The following BRD10 variants were observed in gnomAD, a reference collection of about 807,000 sequenced individuals.
BRD10 encodes the protein uncharacterized bromodomain-containing protein 10.
the BRD10 span, among the ~76,000 whole-genome samples, chr9:5,952,420 T>C: frequency 3.3e-5 from 5 of 152,182 alleles, no homozygotes; most frequent in African/African-American, 7.2e-5. Context: ...ACACATACAA[T>C]TGAAACCAAA....
At chr9:5,880,854 G>A in the BRD10 span, among the ~76,000 whole-genome samples, 3 of 151,918 alleles carry the variant, frequency 2.0e-5, no homozygotes, top group African/African-American at 7.3e-5. Context: ...ACAGGCGTGC[G>A]CCACCACGCC....
At chr9:5,953,957 A>C in the BRD10 span, 1 of 901,428 alleles carries the variant, frequency 1.1e-6, no homozygotes, top group Non-Finnish European at 1.8e-6. Context: ...CTCTCGAGGA[A>C]TGATATGAAC....
At chr9:5,897,674 T>C in the BRD10 span, 1 of 1,592,716 alleles carries the variant, frequency 6.3e-7, no homozygotes. Context: ...TTCCCACTGC[T>C]GAAATCCCTC....
the BRD10 span, chr9:5,969,561 T>G: frequency 5.7e-6 from 4 of 698,216 alleles, no homozygotes; most frequent in Non-Finnish European, 9.1e-6. Flanking sequence ...TTTATTTATT[T>G]GAGACAGAGT....
chr9:5,982,206 T>C, the BRD10 span, among the ~76,000 whole-genome samples: 5 of 152,112 alleles, frequency 3.3e-5, no homozygotes, highest in African/African-American at 4.8e-5. Context: ...GATGAAGTAA[T>C]TGAACCAAAC....
the BRD10 span, among the ~76,000 whole-genome samples, chr9:5,917,856 AAAAG>A: frequency 6.6e-6 from 1 of 152,240 alleles, no homozygotes; most frequent in African/African-American, 2.4e-5. Context: ...CGTCTCAAAA[AAAAG>A]AGAGAGATTT....
the BRD10 span, among the ~76,000 whole-genome samples, chr9:5,946,152 G>A: frequency 1.3e-5 from 2 of 152,050 alleles, no homozygotes; most frequent in Non-Finnish European, 2.9e-5. Context: ...ATATGAAATT[G>A]CTGATATGCT....
the BRD10 span, among the ~76,000 whole-genome samples, chr9:5,907,723 T>C: frequency 1.3e-5 from 2 of 152,178 alleles, no homozygotes; most frequent in Non-Finnish European, 2.9e-5. Flanking sequence ...GAGGCCGAGG[T>C]GGGTGGATCA....
the BRD10 span, among the ~76,000 whole-genome samples, chr9:5,904,963 T>C: frequency 2.6e-5 from 4 of 151,922 alleles, no homozygotes; most frequent in Non-Finnish European, 5.9e-5. Context: ...ATAGTAGAGA[T>C]GTCATTTCAC....
chr9:5,974,368 C>A, the BRD10 span, among the ~76,000 whole-genome samples: 3 of 152,012 alleles, frequency 2.0e-5, no homozygotes, highest in African/African-American at 4.8e-5. Context: ...CTGCTTCCAA[C>A]CAAAATGAAG....
At chr9:5,893,348 C>T in the BRD10 span, among the ~76,000 whole-genome samples, 90 of 152,288 alleles carry the variant, frequency 5.9e-4, 1 homozygote, top group African/African-American at 2.1e-3. Flanking sequence ...CAGGACAACA[C>T]CCTCTTATGT....
the BRD10 span, among the ~76,000 whole-genome samples, chr9:5,994,797 C>G: frequency 2.0e-5 from 3 of 152,166 alleles, no homozygotes; most frequent in Admixed American, 2.0e-4. Context: ...TGTTGTCTAA[C>G]TATAACCTCA....
chr9:5,906,534 T>C, the BRD10 span, among the ~76,000 whole-genome samples: 1 of 152,234 alleles, frequency 6.6e-6, no homozygotes, highest in Non-Finnish European at 1.5e-5. Context: ...AAAGTCTTTA[T>C]TTCTGCTTCA....
the BRD10 span, chr9:6,007,075 A>G: frequency 1.0e-6 from 1 of 1,001,106 alleles, no homozygotes; most frequent in East Asian, 2.5e-5. Context: ...GGGCTTCTCC[A>G]GCACCGACTC....
the BRD10 span, among the ~76,000 whole-genome samples, chr9:5,901,644 A>G: frequency 6.6e-6 from 1 of 151,954 alleles, no homozygotes; most frequent in Non-Finnish European, 1.5e-5. Context: ...CCAGCCTTCC[A>G]AGTAGCTGGG....
At chr9:5,892,543 G>A in the BRD10 span, 20 of 1,612,558 alleles carry the variant, frequency 1.2e-5, no homozygotes, top group Middle Eastern at 1.7e-4. Flanking sequence ...CTTACACCAC[G>A]GCTGAAGAGT....
chr9:5,956,133 A>C, the BRD10 span, among the ~76,000 whole-genome samples: 1 of 152,034 alleles, frequency 6.6e-6, no homozygotes, highest in African/African-American at 2.4e-5. Flanking sequence ...TTAAAAAAAA[A>C]GCGCCATTTG....
chr9:5,985,514 G>C, the BRD10 span, among the ~76,000 whole-genome samples: 2 of 152,138 alleles, frequency 1.3e-5, no homozygotes, highest in African/African-American at 4.8e-5. Flanking sequence ...GGCTGGGCAC[G>C]GTGGCTCACA....
At chr9:5,920,273 C>A in the BRD10 span, 1 of 1,613,954 alleles carries the variant, frequency 6.2e-7, no homozygotes, top group Non-Finnish European at 8.5e-7. Context: ...GAGAACATGG[C>A]TGCCAGCTCC....
Sources: gnomAD v4.1 joint callset for allele counts (sites outside exome capture counted in the v4.1 genomes callset) on GRCh38, gnomAD v4.1.1 for gene constraint, MANE v1.5 for transcripts, NCBI Gene and HGNC (gene_info 2026-07-23, HGNC 2026-07-21) for gene names.